The following RBMS3 variants were observed in gnomAD, a reference collection of about 807,000 sequenced individuals.
RBMS3 encodes RNA binding motif single stranded interacting protein 3.
Under a neutral mutation model 66.8 loss-of-function variants are expected in RBMS3, and 27 were observed. That is an observed-to-expected ratio of 0.40 (90% CI 0.30 to 0.56). The LOEUF is 0.56. RBMS3 is among the 20% of genes least tolerant of loss of function. RBMS3 has a pLI of 0.40. For missense variants in RBMS3, 513 were observed against 549.5 expected, an observed-to-expected ratio of 0.93 and a Z score of 0.66; for synonymous variants, 188 against 183.0, an observed-to-expected ratio of 1.03 and a Z score of -0.22.
At chr3:29,400,975 C>T (rs2125665567) in intron 1 of RBMS3, among the ~76,000 whole-genome samples, 1 of 152,090 alleles carries the variant, frequency 6.6e-6, no homozygotes, top group African/African-American at 2.4e-5. Flanking sequence ...AGTTGGAAAC[C>T]ATGGAAGGTT....
chr3:29,451,666 G>A (rs2042022283), intron 2 of RBMS3, among the ~76,000 whole-genome samples: 1 of 152,144 alleles, frequency 6.6e-6, no homozygotes, highest in African/African-American at 2.4e-5. Flanking sequence ...ACTGGGGAAG[G>A]AAGGATGCTG....
At chr3:29,303,521 A>C (rs2033813100) in intron 1 of RBMS3, among the ~76,000 whole-genome samples, 1 of 152,028 alleles carries the variant, frequency 6.6e-6, no homozygotes, top group African/African-American at 2.4e-5. Flanking sequence ...TACCTTTTCA[A>C]GTGAACTTTC....
chr3:29,793,236 A>AAAAAG (rs1553669801), intron 6 of RBMS3, among the ~76,000 whole-genome samples: 20 of 150,272 alleles, frequency 1.3e-4, no homozygotes, highest in Non-Finnish European at 1.2e-4. Context: ...ATCTCAAAAA[A>AAAAAG]AAAAAGAAAA....
At chr3:29,718,202 A>G (rs973864095) in intron 4 of RBMS3, among the ~76,000 whole-genome samples, 4 of 152,140 alleles carry the variant, frequency 2.6e-5, no homozygotes, top group African/African-American at 9.7e-5. Flanking sequence ...TCTCCTGTCA[A>G]TCTACCTCCA....
chr3:29,939,498 A>G (rs1003138631), intron 11 of RBMS3, among the ~76,000 whole-genome samples: 10 of 151,888 alleles, frequency 6.6e-5, no homozygotes, highest in African/African-American at 2.4e-4. Flanking sequence ...TGCCACATGG[A>G]CATACAGACC....
At chr3:29,650,253 C>A (rs1037237765) in intron 4 of RBMS3, among the ~76,000 whole-genome samples, 11 of 150,716 alleles carry the variant, frequency 7.3e-5, no homozygotes, top group Non-Finnish European at 1.3e-4. Context: ...CTTTTAAACC[C>A]AAATAAGTCA....
chr3:29,924,482 A>G (rs1338014641), intron 10 of RBMS3, among the ~76,000 whole-genome samples: 3 of 152,090 alleles, frequency 2.0e-5, no homozygotes, highest in Non-Finnish European at 4.4e-5. Flanking sequence ...AAATTTCTAC[A>G]TCCATGAATG....
In RBMS3 at chr3:29,281,522, T is replaced by A. The variant is rs930939172; in HGVS notation, c.-160T>A. On this transcript the variant is annotated 5_prime_UTR_variant, in exon 1 of 15. Coordinates refer to ENST00000383767, the MANE Select transcript of RBMS3 (RefSeq NM_001003793.3). ...GTGTTTTTTGTTTTGTTTTGTTTTTTAAAAAAATTCTTGCTGTGTTGGAAC... is the reference window on the plus strand; with the variant it reads ...GTGTTTTTTGTTTTGTTTTGTTTTTAAAAAAAATTCTTGCTGTGTTGGAAC... The A allele has an allele frequency of 6.5e-6, 4 of 615,594 alleles. No homozygotes were observed. The highest frequency in any genetic ancestry group is 1.1e-5 in the Non-Finnish European group (4 of 347,920). The allele number at this position is 615,594 out of a possible 1,614,324, so 38.1% of individuals were successfully genotyped here.
intron 3 of RBMS3, among the ~76,000 whole-genome samples, chr3:29,558,097 C>T (rs376891175): frequency 1.3e-5 from 2 of 151,986 alleles, no homozygotes; most frequent in African/African-American, 4.8e-5. Context: ...AAGGAGGTGC[C>T]GAGGGAGTCC....
intron 2 of RBMS3, among the ~76,000 whole-genome samples, chr3:29,461,418 G>A (rs2042364740): frequency 6.6e-6 from 1 of 152,088 alleles, no homozygotes; most frequent in Non-Finnish European, 1.5e-5. Context: ...CTCTCTCCAG[G>A]ACTCTTCTGT....
At chr3:29,638,317 T>G (rs923586601) in intron 4 of RBMS3, among the ~76,000 whole-genome samples, 2 of 151,786 alleles carry the variant, frequency 1.3e-5, no homozygotes, top group Non-Finnish European at 2.9e-5. Context: ...AATAAGAACA[T>G]GTATTGAATT....
At chr3:29,529,867 C>A (rs1238607322) in intron 3 of RBMS3, among the ~76,000 whole-genome samples, 1 of 152,050 alleles carries the variant, frequency 6.6e-6, no homozygotes, top group African/African-American at 2.4e-5. Context: ...AGTAGCCCTT[C>A]ATAACTGCAT....
intron 6 of RBMS3, among the ~76,000 whole-genome samples, chr3:29,793,650 A>G (rs990052550): frequency 2.6e-5 from 4 of 152,224 alleles, no homozygotes; most frequent in African/African-American, 9.6e-5. Context: ...AGCCAGTTGT[A>G]TCTTTAACTA....
chr3:29,632,886 G>A (rs149387422), intron 4 of RBMS3, among the ~76,000 whole-genome samples: 14 of 151,898 alleles, frequency 9.2e-5, no homozygotes, highest in African/African-American at 3.4e-4. Flanking sequence ...AGTTTCTACT[G>A]GCACTTTTTA....
At chr3:29,900,942 T>C (rs2060237053) in intron 10 of RBMS3, among the ~76,000 whole-genome samples, 1 of 151,814 alleles carries the variant, frequency 6.6e-6, no homozygotes. Flanking sequence ...AGAATCTGGC[T>C]TTCATATCTG....
Position 30,005,565 on chromosome 3 carries a change from T to A in RBMS3, c.*1703T>A, listed in dbSNP as rs1313032933. The A allele has an allele frequency of 6.6e-6, 1 of 151,908 alleles. No homozygotes were observed. The highest frequency in any genetic ancestry group is 1.5e-5 in the Non-Finnish European group (1 of 67,860). 9.4% of individuals were successfully genotyped at this position (151,908 alleles called of 1,614,324 possible). A position where few individuals can be genotyped will look rare whatever the true frequency, so the allele number is the denominator to read the frequency against. ...GTCTCCTGGAAAGGTCTCATTGTAT[T>A]TGAACAATAGTCTTCCCTCTAAATT... On this transcript the variant is annotated 3_prime_UTR_variant, in exon 15 of 15. Transcript: ENST00000383767.
chr3:29,617,479 G>A (rs949606274), intron 4 of RBMS3, among the ~76,000 whole-genome samples: 3 of 152,172 alleles, frequency 2.0e-5, no homozygotes, highest in South Asian at 2.1e-4. Flanking sequence ...CTAGGAAGGA[G>A]CATGAGGAAG....
chr3:29,425,288 C>T (rs1042261254), intron 1 of RBMS3, among the ~76,000 whole-genome samples: 5 of 150,000 alleles, frequency 3.3e-5, no homozygotes, highest in African/African-American at 1.2e-4. Flanking sequence ...TCAGGAGAAT[C>T]GCTTGAACCC....
At chr3:29,721,401 T>C (rs2053637658) in intron 4 of RBMS3, among the ~76,000 whole-genome samples, 1 of 152,164 alleles carries the variant, frequency 6.6e-6, no homozygotes, top group South Asian at 2.1e-4. Context: ...TTTTCTTTCC[T>C]CGTAAGTGGT....
Sources: gnomAD v4.1 joint callset for allele counts (sites outside exome capture counted in the v4.1 genomes callset) on GRCh38, gnomAD v4.1.1 for gene constraint, MANE v1.5 for transcripts, NCBI Gene and HGNC (gene_info 2026-07-23, HGNC 2026-07-21) for gene names.